The following CCNC variants were observed in gnomAD, a reference collection of about 807,000 sequenced individuals.
The protein encoded by CCNC is cyclin-C.
CCNC carries 19 observed loss-of-function variants against 50.0 expected under a neutral mutation model. That is an observed-to-expected ratio of 0.38 (90% CI 0.27 to 0.56). The LOEUF (loss-of-function observed/expected upper bound fraction) is 0.56, where lower values mean the gene tolerates loss of function less well. Among genes scored for constraint, CCNC ranks in the 20% least tolerant of loss-of-function variants. CCNC has a pLI of 0.72. For missense variants in CCNC, 200 were observed against 327.1 expected, an observed-to-expected ratio of 0.61 and a Z score of 3.00; for synonymous variants, 93 against 103.7, an observed-to-expected ratio of 0.90 and a Z score of 0.63.
chr6:99,544,222 T>C (rs1801984949), intron 11 of CCNC: 1 of 1,534,648 alleles, frequency 6.5e-7, no homozygotes, highest in Non-Finnish European at 8.7e-7. Context: ...TTGTCCACCA[T>C]CATCTTGCAG....
At position 99,550,322 on chromosome 6, in the gene CCNC, TA is replaced by T; in HGVS notation, c.439-14del. The T allele has an allele frequency of 1.3e-6, 2 of 1,573,526 alleles. No individual in the cohort carries two copies. The highest frequency in any genetic ancestry group is 1.7e-6 in the Non-Finnish European group (2 of 1,151,314). ...TCAAGCAACAATCCTAGAAACAGTT[TA>T]AAAAATGTGTATGTATAAAAAACAG... is the stretch of plus-strand genomic sequence containing the variant. On this transcript the variant is annotated splice_polypyrimidine_tract_variant and intron_variant, in intron 7 of 11. Coordinates refer to ENST00000520429, the MANE Select transcript of CCNC (RefSeq NM_005190.4).
rs1156589568 is a variant in CCNC at position 99,562,853 on chromosome 6, A to C, written c.128T>G (p.Phe43Cys). Residue 43 changes from phenylalanine (F) to cysteine (C), a missense_variant, in exon 2 of 12, where the codon TTT (phenylalanine) becomes TGT (cysteine). Transcript: ENST00000520429. ...SEEEYWKLQI[F>C]FTNVIQALGE... ...TTAAAAAAGTTTACCATTTGTAAAAAATATTTGTAACTTCCAATATTCTTC... is the reference window on the plus strand; with the variant it reads ...TTAAAAAAGTTTACCATTTGTAAAACATATTTGTAACTTCCAATATTCTTC... 6.3e-7 allele frequency: 1 copy of C among 1,579,640 alleles called. No individual in the cohort carries two copies. Among genetic ancestry groups the C allele is most frequent in the Non-Finnish European group, 8.6e-7 (1 of 1,158,194 alleles).
intron 10 of CCNC, 66 bp from the exon 11 acceptor site, chr6:99,545,296 T>C: frequency 2.5e-6 from 2 of 788,950 alleles, no homozygotes; most frequent in East Asian, 2.4e-5. Context: ...ATAAAGAGCA[T>C]ACATCACTAC....
Position 99,561,587 on chromosome 6 carries a change from AC to A in CCNC, c.224+9del, listed in dbSNP as rs753642472. 5.1e-6 allele frequency: 8 copies of A among 1,579,972 alleles called. No individual in the cohort carries two copies. The South Asian group carries it at 7.9e-5, about 16-fold the overall frequency. Reference sequence around the variant, plus strand: ...AAGAGTTCAAATAAATAAAATAAAAACAATCCTACCTGGCATAGAATCTCTT... The same window carrying A: ...AAGAGTTCAAATAAATAAAATAAAAAAATCCTACCTGGCATAGAATCTCTT... On this transcript the variant is annotated intron_variant, in intron 3 of 11. Coordinates refer to ENST00000520429, the MANE Select transcript of CCNC (RefSeq NM_005190.4).
chr6:99,549,992 A>G (rs1000566570), intron 8 of CCNC, among the ~76,000 whole-genome samples: 2 of 152,176 alleles, frequency 1.3e-5, no homozygotes, highest in African/African-American at 4.8e-5. Context: ...TTTTGTATAA[A>G]ATTAAATTTT....
chr6:99,554,529 T>G (rs188480775), intron 5 of CCNC, among the ~76,000 whole-genome samples: 4 of 152,292 alleles, frequency 2.6e-5, no homozygotes, highest in Middle Eastern at 3.4e-3. Flanking sequence ...TCATGGATAT[T>G]TAGTTTATAC....
chr6:99,568,754 C>T (rs567969098), upstream of CCNC: 6 of 1,377,486 alleles, frequency 4.4e-6, no homozygotes, highest in Non-Finnish European at 4.7e-6. Context: ...AGTTCCGGCC[C>T]GCGGTAGCGG....
chr6:99,564,299 C>T (rs888285265), intron 1 of CCNC, among the ~76,000 whole-genome samples: 7 of 151,906 alleles, frequency 4.6e-5, no homozygotes, highest in Admixed American at 2.0e-4. Flanking sequence ...GTGGCGTGCG[C>T]CTGTAGTCCC....
At position 99,561,388 on chromosome 6, in the gene CCNC, C is replaced by A; in HGVS notation, c.273G>T (p.Val91=). The change falls in exon 4 of 12, where the codon GTG becomes GTT. Residue 91 remains valine, a synonymous_variant. Transcript: ENST00000520429. ...ATACCTCTACTTTGGATGCCAAAAA[C>A]ACACATGTAGGAGCCATTAATACAG... ...IDPVLMAPTC[V]FLASKVEEFG... is the part of the protein sequence containing the mutation. 1 of 1,604,070 alleles carries A rather than the reference C, an allele frequency of 6.2e-7. No individual in the cohort carries two copies. Among genetic ancestry groups the A allele is most frequent in the Non-Finnish European group, 8.5e-7 (1 of 1,174,454 alleles).
chr6:99,566,962 C>G (rs911022893), intron 1 of CCNC: 20 of 454,706 alleles, frequency 4.4e-5, no homozygotes, highest in Non-Finnish European at 8.4e-5. Context: ...CTTCCACACT[C>G]GTTACCTTTT....
rs1236173746 is a variant in CCNC, at chr6:99,543,145, C to G, written c.*410G>C. The G allele has an allele frequency of 6.5e-6, 1 of 153,340 alleles. No homozygotes were observed. The highest frequency in any genetic ancestry group is 1.5e-5 in the Non-Finnish European group (1 of 68,650). The allele number at this position is 153,340 out of a possible 1,614,324, so 9.5% of individuals were successfully genotyped here. On this transcript the variant is annotated 3_prime_UTR_variant, in exon 12 of 12. Transcript: ENST00000520429. Reference sequence around the variant, plus strand: ...GTTAAACTTATGGAGGGAAAAAAACCCTCATAGATTGACTGTAAATTTTAC... The same window carrying G: ...GTTAAACTTATGGAGGGAAAAAAACGCTCATAGATTGACTGTAAATTTTAC...
At chr6:99,552,120 G>C (rs1802325804) in intron 5 of CCNC, among the ~76,000 whole-genome samples, 1 of 151,806 alleles carries the variant, frequency 6.6e-6, no homozygotes, top group Non-Finnish European at 1.5e-5. Flanking sequence ...CCTTAAGAAA[G>C]GATTCTGATG....
At chr6:99,549,328 GAAT>G (rs1331065538) in intron 9 of CCNC, 177 bp downstream of exon 9, 29 of 657,820 alleles carry the variant, frequency 4.4e-5, no homozygotes, top group Non-Finnish European at 7.3e-5. Flanking sequence ...GGGGGTGGGG[GAAT>G]AATAATCCTG....
intron 5 of CCNC, among the ~76,000 whole-genome samples, chr6:99,556,043 T>G (rs1306351112): frequency 6.6e-6 from 1 of 152,228 alleles, no homozygotes. Context: ...TAAGCCTTCA[T>G]TAGTGTTCAC....
intron 5 of CCNC, among the ~76,000 whole-genome samples, chr6:99,552,256 A>C (rs1357597133): frequency 1.3e-5 from 2 of 152,170 alleles, no homozygotes; most frequent in Admixed American, 1.3e-4. Context: ...CAGGGGTTAC[A>C]TATGTGTTTA....
At chr6:99,547,488 A>G (rs968655345) in intron 9 of CCNC, among the ~76,000 whole-genome samples, 1 of 149,116 alleles carries the variant, frequency 6.7e-6, no homozygotes. Flanking sequence ...AAGTCTTACA[A>G]AAAAAAAAAA....
chr6:99,550,316 A>G lies in CCNC; in HGVS notation c.439-7T>C. 1 of 1,596,376 alleles carries G rather than the reference A, an allele frequency of 6.3e-7. No homozygotes were observed. Among genetic ancestry groups the G allele is most frequent in the Non-Finnish European group, 8.6e-7 (1 of 1,168,602 alleles). ...ACACTATCAAGCAACAATCCTAGAA[A>G]CAGTTTAAAAAATGTGTATGTATAA... On this transcript the variant is annotated splice_polypyrimidine_tract_variant and splice_region_variant and intron_variant, in intron 7 of 11. Coordinates refer to ENST00000520429, the MANE Select transcript of CCNC (RefSeq NM_005190.4).
intron 9 of CCNC, 134 bp from the exon 10 acceptor site, chr6:99,546,608 G>A: frequency 1.7e-6 from 1 of 588,954 alleles, no homozygotes; most frequent in Non-Finnish European, 3.1e-6. Flanking sequence ...ACATATGAGA[G>A]TTACCACTGA....
In CCNC at chr6:99,563,902, A is replaced by AT. The variant is rs547617618; in HGVS notation, c.33-955dup. 6.6e-5 allele frequency among the ~76,000 whole-genome samples: 10 copies of AT among 152,180 alleles called. No homozygotes were observed. The South Asian group carries it at 1.9e-3, about 28-fold the overall frequency. On this transcript the variant is annotated intron_variant, in intron 1 of 11. Coordinates refer to ENST00000520429, the MANE Select transcript of CCNC (RefSeq NM_005190.4). ...GAAAATTAAGTAATTAATAGCTGGT[A>AT]TAAAAAAAAACTCTCTTCCTACTAT...
Sources: gnomAD v4.1 joint callset for allele counts (sites outside exome capture counted in the v4.1 genomes callset) on GRCh38, gnomAD v4.1.1 for gene constraint, MANE v1.5 for transcripts, NCBI Gene and HGNC (gene_info 2026-07-23, HGNC 2026-07-21) for gene names.